Variants in PEX5L observed in about 807,000 individuals in gnomAD.
PEX5L encodes the protein peroxisomal biogenesis factor 5 like.
A neutral mutation model predicts 84.0 loss-of-function variants in PEX5L; 30 were observed. The observed-to-expected ratio is 0.36, with a 90% confidence interval of 0.27 to 0.48. The LOEUF is 0.48. Among genes scored for constraint, PEX5L ranks in the 20% least tolerant of loss-of-function variants. PEX5L has a pLI of 0.99. For synonymous variants in PEX5L, 270 were observed against 283.1 expected (o/e 0.95, Z 0.46); for missense variants, 533 against 754.6 (o/e 0.71, Z 3.44).
At chr3:179,908,413 A>G (rs988378105) in intron 2 of PEX5L, among the ~76,000 whole-genome samples, 6 of 152,148 alleles carry the variant, frequency 3.9e-5, no homozygotes, top group African/African-American at 1.4e-4. Context: ...GAGGAGTTTC[A>G]ATCCCAGCTC....
intron 8 of PEX5L, among the ~76,000 whole-genome samples, chr3:179,841,208 T>G (rs1737147346): frequency 6.6e-6 from 1 of 152,000 alleles, no homozygotes; most frequent in Non-Finnish European, 1.5e-5. Context: ...TCTGCCTGCT[T>G]CTTCAGCTGA....
chr3:180,010,199 C>T (rs1419332608), intron 1 of PEX5L, among the ~76,000 whole-genome samples: 1 of 150,934 alleles, frequency 6.6e-6, no homozygotes, highest in East Asian at 1.9e-4. Flanking sequence ...TCTGCCACGG[C>T]CTCCCAAAGT....
At chr3:180,030,466 A>G (rs996624319) in intron 1 of PEX5L, among the ~76,000 whole-genome samples, 1 of 152,216 alleles carries the variant, frequency 6.6e-6, no homozygotes, top group Non-Finnish European at 1.5e-5. Context: ...GAACAATGTT[A>G]TCCCTTTCCT....
At chr3:179,821,331 T>C (rs564684728) in intron 8 of PEX5L, among the ~76,000 whole-genome samples, 1 of 152,348 alleles carries the variant, frequency 6.6e-6, no homozygotes, top group South Asian at 2.1e-4. Flanking sequence ...TCTCAGTGTC[T>C]ATGATTCGAA....
intron 1 of PEX5L, among the ~76,000 whole-genome samples, chr3:180,003,083 G>A (rs529911388): frequency 1.9e-4 from 29 of 152,234 alleles, no homozygotes; most frequent in Admixed American, 3.9e-4. Flanking sequence ...TGTTATTAAC[G>A]GAGATGTAAA....
chr3:179,994,538 A>T (rs1787679248), intron 1 of PEX5L, among the ~76,000 whole-genome samples: 1 of 152,052 alleles, frequency 6.6e-6, no homozygotes, highest in African/African-American at 2.4e-5. Context: ...CACACTTGAC[A>T]CCCCTGGATA....
intron 1 of PEX5L, among the ~76,000 whole-genome samples, chr3:180,024,716 G>A (rs1790785549): frequency 1.3e-5 from 2 of 151,982 alleles, no homozygotes; most frequent in Admixed American, 1.3e-4. Context: ...ACTCACATGT[G>A]CATGCATGTG....
In PEX5L at chr3:179,797,581, A is replaced by G. The variant is rs551424901; in HGVS notation, c.*4247T>C. 1 of 112,534 alleles carries G rather than the reference A, an allele frequency of 8.9e-6. No homozygotes were observed. The highest frequency in any genetic ancestry group is 2.4e-4 in the East Asian group (1 of 4,182). The allele number at this position is 112,534 out of a possible 1,614,324, so 7.0% of individuals were successfully genotyped here. ...ACTTTATGCCAGAGTTTATCTATGA[A>G]CACTCTTTAAAAAAAAAAAAAAAAA... On this transcript the variant is annotated 3_prime_UTR_variant, in exon 15 of 15. Transcript: ENST00000467460.
At chr3:179,925,696 T>C (rs962061975) in intron 2 of PEX5L, among the ~76,000 whole-genome samples, 2 of 152,200 alleles carry the variant, frequency 1.3e-5, no homozygotes, top group Non-Finnish European at 2.9e-5. Flanking sequence ...TAACTCGCTA[T>C]CTCTAAATTT....
chr3:180,005,171 A>T (rs1788764635), intron 1 of PEX5L, among the ~76,000 whole-genome samples: 1 of 152,238 alleles, frequency 6.6e-6, no homozygotes, highest in South Asian at 2.1e-4. Flanking sequence ...GAATGGTAAA[A>T]TCATAATGAA....
intron 2 of PEX5L, among the ~76,000 whole-genome samples, chr3:179,935,944 C>A (rs1488887556): frequency 6.6e-6 from 1 of 152,140 alleles, no homozygotes; most frequent in Non-Finnish European, 1.5e-5. Flanking sequence ...GCTTCTCTGC[C>A]AGCTGCATGA....
chr3:179,960,183 A>G (rs966678660), intron 2 of PEX5L, among the ~76,000 whole-genome samples: 5 of 152,182 alleles, frequency 3.3e-5, no homozygotes, highest in Non-Finnish European at 7.3e-5. Context: ...GGTCAGAACT[A>G]TGAGGAGGTC....
chr3:180,002,972 C>T (rs1292612170), intron 1 of PEX5L, among the ~76,000 whole-genome samples: 1 of 152,100 alleles, frequency 6.6e-6, no homozygotes, highest in African/African-American at 2.4e-5. Context: ...TTTATCTTCA[C>T]ATAAATTCTC....
chr3:179,911,536 G>A (rs1403020851), intron 2 of PEX5L, among the ~76,000 whole-genome samples: 2 of 152,012 alleles, frequency 1.3e-5, no homozygotes, highest in African/African-American at 2.4e-5. Context: ...AATTCAATAC[G>A]CTCTAATAAT....
chr3:179,986,480 G>A (rs1015669949), intron 1 of PEX5L, among the ~76,000 whole-genome samples: 10 of 142,646 alleles, frequency 7.0e-5, no homozygotes, highest in African/African-American at 1.3e-4. Context: ...TCGGCTCACC[G>A]CAAGCTCCGC....
intron 2 of PEX5L, among the ~76,000 whole-genome samples, chr3:179,947,887 T>C (rs1318831399): frequency 6.6e-6 from 1 of 151,920 alleles, no homozygotes; most frequent in African/African-American, 2.4e-5. Flanking sequence ...TTTGTATTTT[T>C]AGTAGAGACA....
At chr3:179,972,240 G>A (rs1386677483) in intron 1 of PEX5L, among the ~76,000 whole-genome samples, 7 of 150,018 alleles carry the variant, frequency 4.7e-5, no homozygotes, top group South Asian at 2.1e-4. Flanking sequence ...TTAGGTATTC[G>A]AAAAGTTGGA....
chr3:179,836,587 C>CT (rs963676830), intron 8 of PEX5L, among the ~76,000 whole-genome samples: 2 of 152,238 alleles, frequency 1.3e-5, no homozygotes, highest in African/African-American at 4.8e-5. Context: ...TCTTTAGCCT[C>CT]TTTTTTGCTT....
At chr3:179,898,369 A>C (rs1039763004) in intron 2 of PEX5L, 123 bp from the exon 3 acceptor site, 17 of 608,734 alleles carry the variant, frequency 2.8e-5, no homozygotes, top group Non-Finnish European at 4.6e-5. Context: ...GCTGCAAGTG[A>C]ATCTTGAGGC....
Sources: gnomAD v4.1 joint callset for allele counts (sites outside exome capture counted in the v4.1 genomes callset) on GRCh38, gnomAD v4.1.1 for gene constraint, MANE v1.5 for transcripts, NCBI Gene and HGNC (gene_info 2026-07-23, HGNC 2026-07-21) for gene names.